SULT1C3: variants seen among roughly 807,000 people sequenced by gnomAD.
The protein encoded by SULT1C3 is sulfotransferase family 1C member 3.
Under a neutral mutation model 28.4 loss-of-function variants are expected in SULT1C3, and 31 were observed. The observed-to-expected ratio is 1.09, with a 90% CI of 0.82 to 1.47. SULT1C3 has a LOEUF of 1.47. SULT1C3 is among the 40% of genes most tolerant of loss of function. SULT1C3 has a pLI of 0.00. For missense variants in SULT1C3, 307 were observed against 272.5 expected, an observed-to-expected ratio of 1.13 and a Z score of -0.89; for synonymous variants, 106 against 92.2, an observed-to-expected ratio of 1.15 and a Z score of -0.86.
At chr2:108,260,078 G>A (rs1186206556) in intron 7 of SULT1C3, among the ~76,000 whole-genome samples, 1 of 152,132 alleles carries the variant, frequency 6.6e-6, no homozygotes, top group Non-Finnish European at 1.5e-5. Context: ...GGGCTGACAA[G>A]GTACAACAGT....
chr2:108,240,588 A>T (rs150202486), intron 1 of SULT1C3, among the ~76,000 whole-genome samples: 96 of 152,292 alleles, frequency 6.3e-4, no homozygotes, highest in Middle Eastern at 3.4e-3. Context: ...TACCTGGCAG[A>T]ATTTGCAGGA....
downstream of SULT1C3, among the ~76,000 whole-genome samples, chr2:108,263,992 C>G (rs1676077306): frequency 6.6e-6 from 1 of 152,186 alleles, no homozygotes; most frequent in African/African-American, 2.4e-5. Flanking sequence ...AAGATTTACA[C>G]TATCATACTT....
chr2:108,253,377 CAA>C lies in SULT1C3; in HGVS notation c.335_336del (p.Gln112ProfsTer48). ...GTTCGTTCTTGAAATGTCCTCACCACAACTGATAAAAACACATCTCCCTTCAC... is the reference window on the plus strand; with the variant it reads ...GTTCGTTCTTGAAATGTCCTCACCACCTGATAAAAACACATCTCCCTTCAC... ...LEFVLEMSSP[Q>X]LIKTHLPSHL... On this transcript the variant is annotated frameshift_variant, in exon 4 of 8. Coordinates refer to ENST00000681802, the MANE Select transcript of SULT1C3 (RefSeq NM_001320878.2). LOFTEE classifies it high-confidence loss of function. 6.3e-7 allele frequency: 1 copy of C among 1,583,074 alleles called. No individual in the cohort carries two copies. Among genetic ancestry groups the C allele is most frequent in the Non-Finnish European group, 8.6e-7 (1 of 1,165,330 alleles).
chr2:108,263,173 T>C (rs541271986), downstream of SULT1C3, among the ~76,000 whole-genome samples: 181 of 152,164 alleles, frequency 1.2e-3, no homozygotes, highest in African/African-American at 4.3e-3. Flanking sequence ...ATAAACGTGT[T>C]TGTGGAGGCC....
intron 7 of SULT1C3, among the ~76,000 whole-genome samples, chr2:108,259,663 T>C (rs1675969732): frequency 6.6e-6 from 1 of 152,076 alleles, no homozygotes; most frequent in African/African-American, 2.4e-5. Context: ...GAGTGTAGTG[T>C]TCAGTTTTGT....
At position 108,255,637 on chromosome 2, in the gene SULT1C3, T is replaced by G. The variant is rs1675848841; in HGVS notation, c.465T>G (p.Ala155=). The G allele has an allele frequency of 6.2e-7, 1 of 1,611,800 alleles. No homozygotes were observed. The highest frequency in any genetic ancestry group is 8.5e-7 in the Non-Finnish European group (1 of 1,178,534). The change falls in exon 5 of 8, where the codon GCT becomes GCG. Residue 155 remains alanine (A), a synonymous_variant. Coordinates refer to ENST00000681802, the MANE Select transcript of SULT1C3 (RefSeq NM_001320878.2). ...CCTACTACCACTTTCACAGGATGGC[T>G]TCCTTTATGCCTGATCCTCAGAACT... is the stretch of plus-strand genomic sequence containing the variant. ...LVSYYHFHRM[A]SFMPDPQNLE...
In SULT1C3 at chr2:108,260,695, A is replaced by C. The variant is rs1179903845; in HGVS notation, c.*15A>C. The C allele has an allele frequency of 2.2e-6, 1 of 461,022 alleles. No homozygotes were observed. The highest frequency in any genetic ancestry group is 2.0e-5 in the African/African-American group (1 of 50,356). The allele number at this position is 461,022 out of a possible 1,614,324, so 28.6% of individuals were successfully genotyped here. A position where few individuals can be genotyped will look rare whatever the true frequency, so the allele number is the denominator to read the frequency against. On this transcript the variant is annotated 3_prime_UTR_variant, in exon 8 of 8. Transcript: ENST00000681802. ...TGGAGATCTGAGAGGAACAACAACA[A>C]ACTAGGTGACAGAGACTATGCCAAC... is the stretch of plus-strand genomic sequence containing the variant.
At chr2:108,257,139 C>A (rs1421546821) in intron 5 of SULT1C3, among the ~76,000 whole-genome samples, 1 of 151,836 alleles carries the variant, frequency 6.6e-6, no homozygotes, top group Non-Finnish European at 1.5e-5. Context: ...CATCTATAAT[C>A]AGTTGACTTT....
chr2:108,265,184 T>C, downstream of SULT1C3: 1 of 1,550,330 alleles, frequency 6.5e-7, no homozygotes, highest in Non-Finnish European at 8.8e-7. Flanking sequence ...TAAGGGTGCA[T>C]GCTTACCTCT....
chr2:108,260,380 C>A (rs1675991125), intron 7 of SULT1C3, among the ~76,000 whole-genome samples, 188 bp from the exon 8 acceptor site: 1 of 151,930 alleles, frequency 6.6e-6, no homozygotes, highest in Non-Finnish European at 1.5e-5. Flanking sequence ...ATGCTGTGTG[C>A]CTTGTGGTAA....
chr2:108,245,979 A>C (rs1675568148), intron 1 of SULT1C3, among the ~76,000 whole-genome samples: 1 of 152,184 alleles, frequency 6.6e-6, no homozygotes, highest in Admixed American at 6.5e-5. Flanking sequence ...CAGATACAAT[A>C]AATCATCTCT....
At chr2:108,261,451 C>G (rs17035953), downstream of SULT1C3, among the ~76,000 whole-genome samples, 18,821 of 152,096 alleles carry the variant, frequency 0.12, 1,657 homozygotes, top group African/African-American at 0.25. Context: ...TTGCATCACT[C>G]TAACAATAGG....
At chr2:108,240,515 T>C (rs973756648) in intron 1 of SULT1C3, among the ~76,000 whole-genome samples, 10 of 152,204 alleles carry the variant, frequency 6.6e-5, no homozygotes, top group Non-Finnish European at 1.2e-4. Context: ...TGAACTTTCT[T>C]AGTTTTATTT....
intron 1 of SULT1C3, among the ~76,000 whole-genome samples, chr2:108,240,932 T>C (rs1172720795): frequency 6.6e-6 from 1 of 152,210 alleles, no homozygotes; most frequent in African/African-American, 2.4e-5. Flanking sequence ...ACATATGCCT[T>C]TTGGATTGGC....
intron 2 of SULT1C3, 95 bp from the exon 3 acceptor site, chr2:108,252,270 G>A (rs1419671982): frequency 3.3e-6 from 4 of 1,214,232 alleles, no homozygotes; most frequent in African/African-American, 1.5e-5. Flanking sequence ...TAATTTTAAA[G>A]TGCTCTCATG....
chr2:108,262,848 A>T (rs1410668274), downstream of SULT1C3, among the ~76,000 whole-genome samples: 2 of 152,116 alleles, frequency 1.3e-5, no homozygotes, highest in Non-Finnish European at 2.9e-5. Context: ...ACTGGGGAGG[A>T]AGAGAAGTTT....
intron 4 of SULT1C3, among the ~76,000 whole-genome samples, chr2:108,254,829 A>ATATATATGTATATATGTGTATATATACG (rs1558664990): frequency 1.3e-5 from 2 of 150,552 alleles, no homozygotes; most frequent in African/African-American, 2.4e-5. Flanking sequence ...GTATATATAC[A>ATATATATGTATATATGTGTATATATACG]CATATATATG....
chr2:108,250,665 T>C (rs763656283), intron 2 of SULT1C3, among the ~76,000 whole-genome samples: 26 of 151,928 alleles, frequency 1.7e-4, no homozygotes, highest in Admixed American at 3.3e-4. Flanking sequence ...CGTATTGTCA[T>C]ATAAATGAAT....
At chr2:108,248,524 A>G (rs1675648458) in intron 2 of SULT1C3, among the ~76,000 whole-genome samples, 1 of 152,150 alleles carries the variant, frequency 6.6e-6, no homozygotes, top group Non-Finnish European at 1.5e-5. Flanking sequence ...ATTTGCAGGT[A>G]AGAGTACCAG....
Sources: allele counts gnomAD v4.1 joint callset (sites outside exome capture counted in the v4.1 genomes callset), GRCh38; gene constraint gnomAD v4.1.1; transcripts MANE v1.5; gene names NCBI Gene and HGNC (gene_info 2026-07-23, HGNC 2026-07-21).